SLC16A2: variants seen among roughly 807,000 people sequenced by gnomAD.
The protein encoded by SLC16A2 is monocarboxylate transporter 8.
A neutral mutation model predicts 27.2 loss-of-function variants in SLC16A2; 3 were observed. That is an observed-to-expected ratio of 0.11 (90% CI 0.05 to 0.28). SLC16A2 has a LOEUF of 0.28. Ranked by LOEUF, SLC16A2 falls within the 10% of genes least tolerant of loss-of-function variation. The pLI is 1.00. For missense variants in SLC16A2, 295 were observed against 458.5 expected (o/e 0.64, Z 3.26); for synonymous variants, 202 against 187.8 (o/e 1.08, Z -0.62).
intron 1 of SLC16A2, among the ~76,000 whole-genome samples, chrX:74,470,634 A>C (rs1222737121): frequency 1.5e-4 from 17 of 111,943 alleles, no homozygotes; most frequent in Non-Finnish European, 7.5e-5. Flanking sequence ...TGAGGTGTTC[A>C]TTTAGATTTG....
At chrX:74,434,946 C>G (rs1413701307) in intron 1 of SLC16A2, among the ~76,000 whole-genome samples, 4 of 108,361 alleles carry the variant, frequency 3.7e-5, no homozygotes, top group Non-Finnish European at 7.6e-5. Flanking sequence ...GCCCCAGCCT[C>G]CCAAGTAGCT....
chrX:74,466,280 AC>A (rs1929248655), intron 1 of SLC16A2, among the ~76,000 whole-genome samples: 1 of 109,938 alleles, frequency 9.1e-6, no homozygotes. Flanking sequence ...AGCATTCTCC[AC>A]CCCCTTTCCT....
chrX:74,529,498 C>T (rs1217022247), intron 5 of SLC16A2, 57 bp downstream of exon 5: 2 of 888,758 alleles, frequency 2.3e-6, no homozygotes, highest in African/African-American at 2.0e-5. Context: ...TCCCTGGGTA[C>T]TGGCACTCCT....
intron 1 of SLC16A2, among the ~76,000 whole-genome samples, chrX:74,495,919 A>AC (rs1199720010): frequency 4.5e-5 from 5 of 110,478 alleles, no homozygotes; most frequent in African/African-American, 1.7e-4. Context: ...TGGGGTCTAG[A>AC]CCCAGCCAAG....
At chrX:74,518,604 A>AT (rs1257713833) in intron 1 of SLC16A2, among the ~76,000 whole-genome samples, 2 of 111,033 alleles carry the variant, frequency 1.8e-5, no homozygotes, top group Non-Finnish European at 3.8e-5. Flanking sequence ...AAAAAAAAAA[A>AT]GAAAAAGAAA....
intron 1 of SLC16A2, among the ~76,000 whole-genome samples, chrX:74,439,273 C>T (rs1347389763): frequency 1.1e-5 from 1 of 93,022 alleles, no homozygotes; most frequent in Non-Finnish European, 2.1e-5. Flanking sequence ...CTCTCCCTTC[C>T]TTCCTCCCTC....
intron 1 of SLC16A2, among the ~76,000 whole-genome samples, chrX:74,455,650 A>G (rs1230368543): frequency 9.0e-6 from 1 of 110,636 alleles, no homozygotes; most frequent in African/African-American, 3.3e-5. Flanking sequence ...TGCTTCCGGT[A>G]TAGAGGGCAT....
Position 74,529,278 on chromosome X carries a change from C to T in SLC16A2, c.1236C>T (p.Gly412=). ...TTCCCCTGTGCCGGGACTTCGGGGG[C>T]CTTATCGTCGTCTGTCTTTTCCTGG... ...MMIPLCRDFG[G]LIVVCLFLGL... is the part of the protein sequence containing the mutation. Residue 412 remains glycine, a synonymous_variant, in exon 5 of 6, where the codon GGC becomes GGT. Transcript: ENST00000587091. 2 of 1,211,761 alleles carry T rather than the reference C, an allele frequency of 1.7e-6. No individual in the cohort carries two copies. Among genetic ancestry groups the T allele is most frequent in the East Asian group, 3.0e-5 (1 of 33,854 alleles).
At chrX:74,443,508 G>A (rs1259322201) in intron 1 of SLC16A2, among the ~76,000 whole-genome samples, 2 of 112,076 alleles carry the variant, frequency 1.8e-5, no homozygotes, top group Non-Finnish European at 3.8e-5. Context: ...GTCAGCTCGG[G>A]CTGAGTTGGC....
intron 1 of SLC16A2, among the ~76,000 whole-genome samples, chrX:74,491,973 A>G (rs962590584): frequency 2.7e-5 from 3 of 112,500 alleles, no homozygotes; most frequent in African/African-American, 9.7e-5. Flanking sequence ...GTCTAACCCA[A>G]AAACACTGCC....
intron 1 of SLC16A2, among the ~76,000 whole-genome samples, chrX:74,448,699 AG>A (rs922925327): frequency 4.5e-5 from 5 of 110,663 alleles, no homozygotes; most frequent in African/African-American, 1.6e-4. Context: ...CAGGCTGCAA[AG>A]TTTGAAGTAT....
At chrX:74,525,701 C>G in intron 3 of SLC16A2, 49 bp from the exon 4 acceptor site, 3 of 1,197,110 alleles carry the variant, frequency 2.5e-6, no homozygotes, top group Non-Finnish European at 3.4e-6. Flanking sequence ...AACCAGTCAG[C>G]TCCTCTTTCT....
chrX:74,519,747 G>A lies in SLC16A2; in HGVS notation c.431-1243G>A, dbSNP rs1370490374. 8.3e-4 allele frequency among the ~76,000 whole-genome samples: 69 copies of A among 82,720 alleles called. 5 individuals carry two copies. The highest frequency in any genetic ancestry group is 1.2e-3 in the Non-Finnish European group (48 of 41,464). The allele number at this position is 82,720 out of a possible 115,157, so 71.8% of individuals were successfully genotyped here. The stretch of plus-strand genomic sequence containing the variant: ...AAAAAAAAACAAAAAAAAAACGAAA[G>A]AAAGAAAAAGAAAAAGAAATGTTTG... On this transcript the variant is annotated intron_variant, in intron 1 of 5. Coordinates refer to ENST00000587091, the MANE Select transcript of SLC16A2 (RefSeq NM_006517.5).
intron 1 of SLC16A2, among the ~76,000 whole-genome samples, chrX:74,442,708 G>A (rs1928772935): frequency 8.9e-6 from 1 of 112,391 alleles, no homozygotes; most frequent in Non-Finnish European, 1.9e-5. Context: ...TGTAATCCCA[G>A]CACTTTGGGA....
chrX:74,473,532 C>T (rs1461938924), intron 1 of SLC16A2: 21 of 656,135 alleles, frequency 3.2e-5, no homozygotes, highest in Admixed American at 2.0e-4. Context: ...CTGCCTCAGT[C>T]GGTCATGATT....
intron 1 of SLC16A2, among the ~76,000 whole-genome samples, chrX:74,467,270 A>T (rs1435722240): frequency 8.9e-6 from 1 of 111,937 alleles, no homozygotes; most frequent in Non-Finnish European, 1.9e-5. Context: ...CAGAAGAGTA[A>T]GAAACTTGAC....
chrX:74,482,224 G>A (rs1160440554), intron 1 of SLC16A2, among the ~76,000 whole-genome samples: 1 of 111,549 alleles, frequency 9.0e-6, no homozygotes, highest in African/African-American at 3.3e-5. Flanking sequence ...TACTTTTAAA[G>A]TTTCCCTTGG....
intron 1 of SLC16A2, among the ~76,000 whole-genome samples, chrX:74,444,712 T>C (rs1928809213): frequency 8.9e-6 from 1 of 112,241 alleles, no homozygotes; most frequent in Admixed American, 9.5e-5. Context: ...GAGAATGACC[T>C]GGAAATACTT....
At chrX:74,515,166 G>GA (rs1930296372) in intron 1 of SLC16A2, among the ~76,000 whole-genome samples, 1 of 111,348 alleles carries the variant, frequency 9.0e-6, no homozygotes, top group African/African-American at 3.3e-5. Context: ...TGGAACAAAT[G>GA]AAAAAAATAC....
Sources: gnomAD v4.1 joint callset for allele counts (sites outside exome capture counted in the v4.1 genomes callset) on GRCh38, gnomAD v4.1.1 for gene constraint, MANE v1.5 for transcripts, NCBI Gene and HGNC (gene_info 2026-07-23, HGNC 2026-07-21) for gene names.